The following TENT4A variants were observed in gnomAD, a reference collection of about 807,000 sequenced individuals.
TENT4A encodes the protein terminal nucleotidyltransferase 4A, also known as DNA polymerase kappa.
A neutral mutation model predicts 72.8 loss-of-function variants in TENT4A; 7 were observed. That is an observed-to-expected ratio of 0.10 (90% CI 0.05 to 0.18). The LOEUF is 0.18. Ranked by LOEUF, TENT4A falls within the 10% of genes least tolerant of loss-of-function variation. TENT4A has a pLI of 1.00. For missense variants in TENT4A, 831 were observed against 1,017.7 expected (o/e 0.82, Z 2.50); for synonymous variants, 456 against 434.3 (o/e 1.05, Z -0.62).
At chr5:6,745,161 G>A (rs1453904552) in intron 6 of TENT4A, among the ~76,000 whole-genome samples, 1 of 152,244 alleles carries the variant, frequency 6.6e-6, no homozygotes, top group East Asian at 1.9e-4. Context: ...TCTTGGATAT[G>A]TGATTTTGGC....
chr5:6,741,543 T>C (rs1741806176), intron 4 of TENT4A, among the ~76,000 whole-genome samples: 1 of 152,202 alleles, frequency 6.6e-6, no homozygotes, highest in African/African-American at 2.4e-5. Flanking sequence ...CAAAGCAGTT[T>C]CTGATGAGTT....
chr5:6,751,392 G>A (rs1173908534), intron 11 of TENT4A, 195 bp downstream of exon 11: 10 of 598,062 alleles, frequency 1.7e-5, no homozygotes, highest in East Asian at 5.7e-5. Context: ...TTTCAGCAGC[G>A]AGGACACTGT....
intron 11 of TENT4A, chr5:6,751,447 T>C (rs1223541978): frequency 7.0e-6 from 2 of 286,118 alleles, no homozygotes; most frequent in Non-Finnish European, 1.3e-5. Context: ...CCAGGTTGAC[T>C]GCCTTCCTGC....
At chr5:6,737,407 G>C in intron 1 of TENT4A, 103 bp from the exon 2 acceptor site, 2 of 1,049,060 alleles carry the variant, frequency 1.9e-6, no homozygotes, top group Non-Finnish European at 2.8e-6. Flanking sequence ...ACTGAATTTC[G>C]TGGCCAGAAA....
intron 4 of TENT4A, among the ~76,000 whole-genome samples, chr5:6,740,766 C>T (rs1741758190): frequency 6.6e-6 from 1 of 152,248 alleles, no homozygotes; most frequent in Non-Finnish European, 1.5e-5. Flanking sequence ...CAGAGGTTCC[C>T]TCCAGGCCCA....
At chr5:6,745,974 T>C (rs1246778335) in intron 6 of TENT4A, 3 of 1,331,686 alleles carry the variant, frequency 2.3e-6, no homozygotes, top group African/African-American at 1.5e-5. Flanking sequence ...GTTTGCTGTA[T>C]GGATTACCAA....
rs767788596 is a variant in TENT4A, at chr5:6,752,876, A to G, written c.2023A>G (p.Arg675Gly). 2 of 1,612,184 alleles carry G rather than the reference A, an allele frequency of 1.2e-6. No individual in the cohort carries two copies. The highest frequency in any genetic ancestry group is 1.7e-6 in the Non-Finnish European group (2 of 1,178,360). Residue 675 changes from arginine to glycine, a missense_variant, in exon 12 of 13, where the codon AGG becomes GGG. By Grantham distance (125) the Arg-to-Gly change is moderately radical (BLOSUM62 -2). This residue lies in a region of TENT4A where 332 missense variants were observed against 324.3 expected (regional missense o/e 1.02). Transcript: ENST00000230859. ...TLIMTTNNQTRFTIPPPTLGV... is the reference protein window; with the variant it reads ...TLIMTTNNQTGFTIPPPTLGV... ...CCGTCTCTCATTTTGTTCCTAGACC[A>G]GGTTTACTATACCTCCACCGACCCT...
Position 6,713,965 on chromosome 5 carries a change from C to G in TENT4A, c.-19C>G, listed in dbSNP as rs1002088883. ...GTCGGGGCGGGCGGGCGCGCGGGCC[C>G]CGCGGGGGCGGCGCGTGGATGGATC... On this transcript the variant is annotated 5_prime_UTR_variant, in exon 1 of 13. Coordinates refer to ENST00000230859, the MANE Select transcript of TENT4A (RefSeq NM_006999.6). 1.0e-6 allele frequency: 1 copy of G among 967,028 alleles called. No homozygotes were observed. Among genetic ancestry groups the G allele is most frequent in the African/African-American group, 1.8e-5 (1 of 56,228 alleles). The allele number at this position is 967,028 out of a possible 1,614,324, so 59.9% of individuals were successfully genotyped here. A position where few individuals can be genotyped will look rare whatever the true frequency, so the allele number is the denominator to read the frequency against.
At chr5:6,726,249 C>T (rs1044183865) in intron 1 of TENT4A, among the ~76,000 whole-genome samples, 11 of 152,164 alleles carry the variant, frequency 7.2e-5, no homozygotes, top group South Asian at 2.1e-4. Context: ...ACTTGGGACG[C>T]GATCTGACCT....
At chr5:6,734,653 T>C (rs1741386124) in intron 1 of TENT4A, among the ~76,000 whole-genome samples, 1 of 152,240 alleles carries the variant, frequency 6.6e-6, no homozygotes, top group African/African-American at 2.4e-5. Flanking sequence ...AGTTGCTCAC[T>C]TTTAGGTGCA....
intron 1 of TENT4A, among the ~76,000 whole-genome samples, chr5:6,719,138 A>G (rs1347315386): frequency 6.6e-6 from 1 of 152,218 alleles, no homozygotes; most frequent in Non-Finnish European, 1.5e-5. Flanking sequence ...AATTTTAAGT[A>G]AATATTTTAA....
chr5:6,723,780 C>T (rs749731366), intron 1 of TENT4A, among the ~76,000 whole-genome samples: 4 of 152,104 alleles, frequency 2.6e-5, no homozygotes, highest in East Asian at 1.9e-4. Flanking sequence ...TGTGGGGTTG[C>T]GGAGTGTTGA....
intron 1 of TENT4A, among the ~76,000 whole-genome samples, chr5:6,729,362 C>T (rs76145645): frequency 0.019 from 2,881 of 152,336 alleles, 36 homozygotes; most frequent in South Asian, 0.049. Flanking sequence ...ATGTTTTTAG[C>T]CTCTTGGCTT....
chr5:6,721,262 C>G (rs938576587), intron 1 of TENT4A, among the ~76,000 whole-genome samples: 1 of 152,130 alleles, frequency 6.6e-6, no homozygotes. Context: ...GGCAAGTCTT[C>G]GGAGTATTCA....
At chr5:6,747,527 A>G (rs1044271305) in intron 7 of TENT4A, among the ~76,000 whole-genome samples, 1 of 151,942 alleles carries the variant, frequency 6.6e-6, no homozygotes, top group African/African-American at 2.4e-5. Context: ...ACATTGGCTG[A>G]TGTGTTTTGT....
At chr5:6,752,426 C>T (rs1223635548) in intron 11 of TENT4A, among the ~76,000 whole-genome samples, 4 of 152,232 alleles carry the variant, frequency 2.6e-5, no homozygotes, top group East Asian at 1.9e-4. Context: ...CTGACAGTAA[C>T]GGGTGATGCT....
At chr5:6,748,772 C>G (rs772352371) in intron 8 of TENT4A, among the ~76,000 whole-genome samples, 182 bp downstream of exon 8, 1 of 152,124 alleles carries the variant, frequency 6.6e-6, no homozygotes, top group Non-Finnish European at 1.5e-5. Flanking sequence ...GGGATTCATC[C>G]ATGGTTGAGA....
intron 1 of TENT4A, among the ~76,000 whole-genome samples, chr5:6,723,323 C>T (rs1328773088): frequency 6.6e-6 from 1 of 152,202 alleles, no homozygotes; most frequent in African/African-American, 2.4e-5. Flanking sequence ...AGCATTTTTG[C>T]ACGCAGGTTA....
At chr5:6,719,051 C>T (rs274721) in intron 1 of TENT4A, among the ~76,000 whole-genome samples, 55,049 of 151,842 alleles carry the variant, frequency 0.36, 10,040 homozygotes, top group South Asian at 0.45. Context: ...CTGCTGTGAG[C>T]GTGTGATGGA....
Sources: allele counts gnomAD v4.1 joint callset (sites outside exome capture counted in the v4.1 genomes callset), GRCh38; gene constraint gnomAD v4.1.1; regional missense constraint gnomAD v4.1.1; transcripts MANE v1.5; gene names NCBI Gene and HGNC (gene_info 2026-07-23, HGNC 2026-07-21).